Variants in SIPA1L1 observed in about 807,000 individuals in gnomAD.
The protein encoded by SIPA1L1 is signal-induced proliferation-associated 1-like protein 1.
A neutral mutation model predicts 162.7 loss-of-function variants in SIPA1L1; 26 were observed. The ratio of observed to expected loss-of-function variants is 0.16; its 90% confidence interval spans 0.12 to 0.22. SIPA1L1 has a LOEUF of 0.22. Among genes scored for constraint, SIPA1L1 ranks in the 10% least tolerant of loss-of-function variants. The probability of loss-of-function intolerance (pLI) is 1.00; values close to 1 mark genes in which losing one functional copy is unlikely to be tolerated. For missense variants in SIPA1L1, 1,874 were observed against 2,241.0 expected, an observed-to-expected ratio of 0.84 and a Z score of 3.31; for synonymous variants, 829 against 837.4, an observed-to-expected ratio of 0.99 and a Z score of 0.17.
chr14:71,336,342 A>AC (rs1251144006), intron 2 of SIPA1L1, among the ~76,000 whole-genome samples: 3 of 151,860 alleles, frequency 2.0e-5, no homozygotes, highest in African/African-American at 7.3e-5. Flanking sequence ...ATTTGCAGTC[A>AC]CCCCCCATTT....
chr14:71,673,944 T>C (rs556182538), intron 12 of SIPA1L1, among the ~76,000 whole-genome samples: 4 of 152,326 alleles, frequency 2.6e-5, no homozygotes, highest in South Asian at 2.1e-4. Context: ...TAAAAAATAA[T>C]GTGAGGTGGC....
chr14:71,603,789 C>T (rs143164559), intron 5 of SIPA1L1, among the ~76,000 whole-genome samples: 2,817 of 151,506 alleles, frequency 0.019, 27 homozygotes, highest in Non-Finnish European at 0.03. Flanking sequence ...CAGGCACGTG[C>T]GTGTAATCCC....
intron 5 of SIPA1L1, among the ~76,000 whole-genome samples, chr14:71,591,807 A>G (rs1039651137): frequency 1.3e-5 from 2 of 152,238 alleles, no homozygotes; most frequent in African/African-American, 4.8e-5. Context: ...ATCTGAGTAC[A>G]AAATCTTAGA....
intron 2 of SIPA1L1, among the ~76,000 whole-genome samples, chr14:71,483,088 G>A (rs2048474383): frequency 6.6e-6 from 1 of 152,102 alleles, no homozygotes; most frequent in African/African-American, 2.4e-5. Flanking sequence ...CTTCATACTT[G>A]CAGGCCAAAG....
chr14:71,386,231 G>T (rs1009519297), intron 2 of SIPA1L1, among the ~76,000 whole-genome samples: 3 of 152,226 alleles, frequency 2.0e-5, no homozygotes, highest in African/African-American at 7.2e-5. Context: ...AAGGAAGCCA[G>T]TCCAAGTCCC....
In SIPA1L1 at chr14:71,730,214, G is replaced by T. The variant is rs747750831; in HGVS notation, c.4774G>T (p.Val1592Phe). ...SLLDQALPND[V>F]LFSSTYPSLP... ...TCTGGACCAAGCCCTGCCCAACGAC[G>T]TCCTCTTCAGTAGCACGTACCCTTC... is the stretch of plus-strand genomic sequence containing the variant. Residue 1592 changes from valine to phenylalanine, a missense_variant, in exon 20 of 24, where the codon GTC becomes TTC. Physicochemically the swap from Val to Phe is conservative, Grantham distance 50. Transcript: ENST00000381232. The T allele has an allele frequency of 1.9e-6, 3 of 1,614,094 alleles. No individual in the cohort carries two copies. Among genetic ancestry groups the T allele is most frequent in the Non-Finnish European group, 8.5e-7 (1 of 1,180,022 alleles).
chr14:71,426,495 T>G (rs1454271159), intron 2 of SIPA1L1, among the ~76,000 whole-genome samples: 2 of 148,666 alleles, frequency 1.3e-5, no homozygotes, highest in Non-Finnish European at 3.0e-5. Flanking sequence ...TCTTTTTTTT[T>G]TTTTTTTCCC....
chr14:71,395,770 C>G (rs2041139623), intron 2 of SIPA1L1, among the ~76,000 whole-genome samples: 1 of 152,202 alleles, frequency 6.6e-6, no homozygotes, highest in South Asian at 2.1e-4. Context: ...TGTTGTTTCC[C>G]TTGGCCCAGT....
chr14:71,498,928 A>C (rs1431335066), intron 2 of SIPA1L1, among the ~76,000 whole-genome samples: 1 of 152,202 alleles, frequency 6.6e-6, no homozygotes, highest in Admixed American at 6.5e-5. Context: ...ATTTTTGATG[A>C]TGTAGTATTG....
intron 10 of SIPA1L1, among the ~76,000 whole-genome samples, chr14:71,670,064 CCTAATA>C (rs1384890911): frequency 2.0e-5 from 3 of 151,998 alleles, no homozygotes; most frequent in Non-Finnish European, 4.4e-5. Context: ...TTATTGTTTC[CCTAATA>C]CTAAGTATAA....
At chr14:71,653,172 A>G (rs991577675) in intron 8 of SIPA1L1, among the ~76,000 whole-genome samples, 4 of 152,176 alleles carry the variant, frequency 2.6e-5, no homozygotes, top group Admixed American at 1.3e-4. Context: ...TACTCTGGCT[A>G]ACTTAGCCCT....
At chr14:71,724,552 T>G (rs2084049044) in intron 18 of SIPA1L1, 118 bp from the exon 19 acceptor site, 1 of 744,016 alleles carries the variant, frequency 1.3e-6, no homozygotes, top group Admixed American at 3.3e-5. Flanking sequence ...TAATTATCTG[T>G]TTCTCCACAT....
At chr14:71,338,863 C>A (rs563669837) in intron 2 of SIPA1L1, among the ~76,000 whole-genome samples, 3 of 152,088 alleles carry the variant, frequency 2.0e-5, no homozygotes, top group African/African-American at 7.2e-5. Flanking sequence ...CCTCAGCTTC[C>A]CGAGTAGCTA....
chr14:71,450,110 G>T (rs901550200), intron 2 of SIPA1L1, among the ~76,000 whole-genome samples: 2 of 151,906 alleles, frequency 1.3e-5, no homozygotes, highest in African/African-American at 4.8e-5. Context: ...TAATATTTCT[G>T]CTAAATATAT....
chr14:71,432,908 A>T lies in SIPA1L1; in HGVS notation c.-464-79835A>T, dbSNP rs1595435705. The stretch of plus-strand genomic sequence containing the variant: ...GTGGCTGGGCTGCTATGGAAATAGG[A>T]AGTAAATGTTACAGGTAGCTCTTCC... On this transcript the variant is annotated intron_variant, in intron 2 of 23. Coordinates refer to ENST00000381232, the MANE Select transcript of SIPA1L1 (RefSeq NM_001386936.1). Among the ~76,000 whole-genome samples, 3 of 152,336 alleles carry T rather than the reference A, an allele frequency of 2.0e-5. No homozygotes were observed. The East Asian group carries it at 5.8e-4, about 29-fold the overall frequency.
intron 7 of SIPA1L1, among the ~76,000 whole-genome samples, chr14:71,630,754 TA>T (rs1016027813): frequency 6.6e-6 from 1 of 152,118 alleles, no homozygotes. Flanking sequence ...ATCACCTTAT[TA>T]ACTACAAGGT....
chr14:71,372,223 C>T (rs1221790876), intron 2 of SIPA1L1, among the ~76,000 whole-genome samples: 1 of 152,042 alleles, frequency 6.6e-6, no homozygotes, highest in Non-Finnish European at 1.5e-5. Flanking sequence ...TAGTCAGCTT[C>T]CAGGAAGCAA....
intron 5 of SIPA1L1, among the ~76,000 whole-genome samples, chr14:71,612,646 A>T (rs1351363158): frequency 6.6e-6 from 1 of 152,132 alleles, no homozygotes; most frequent in Non-Finnish European, 1.5e-5. Context: ...AGTGACAAAA[A>T]ATTGATAGTT....
intron 2 of SIPA1L1, among the ~76,000 whole-genome samples, chr14:71,371,269 A>T (rs780768874): frequency 2.4e-4 from 36 of 152,196 alleles, no homozygotes; most frequent in Non-Finnish European, 7.3e-5. Context: ...TGGTTGCCTT[A>T]CCTTGAGTAA....
Sources: allele counts gnomAD v4.1 joint callset (sites outside exome capture counted in the v4.1 genomes callset), GRCh38; gene constraint gnomAD v4.1.1; transcripts MANE v1.5; gene names NCBI Gene and HGNC (gene_info 2026-07-23, HGNC 2026-07-21).